NGFR: variants seen among roughly 807,000 people sequenced by gnomAD.
NGFR encodes the protein nerve growth factor receptor, also known as tumor necrosis factor receptor superfamily member 16.
In NGFR, 30 loss-of-function variants were observed where a neutral mutation model predicts 43.2. That is an observed-to-expected ratio of 0.69 (90% CI 0.52 to 0.94). The LOEUF (loss-of-function observed/expected upper bound fraction) is 0.94. Ranked by LOEUF, NGFR falls within the 40% of genes least tolerant of loss-of-function variation. The pLI is 0.00. For synonymous variants in NGFR, 246 were observed against 259.6 expected, an observed-to-expected ratio of 0.95 and a Z score of 0.50; for missense variants, 529 against 602.5, an observed-to-expected ratio of 0.88 and a Z score of 1.28.
At chr17:49,508,404 A>G (rs1478334545) in intron 3 of NGFR, among the ~76,000 whole-genome samples, 2 of 152,184 alleles carry the variant, frequency 1.3e-5, no homozygotes, top group Non-Finnish European at 1.5e-5. Context: ...GGTGCTCCTG[A>G]GGGAGTGTTC....
Position 49,495,626 on chromosome 17 carries a change from G to A in NGFR, c.66+143G>A. On this transcript the variant is annotated intron_variant, in intron 1 of 5. Transcript: ENST00000172229. This position sits in a 1 kb window ranked among gnomAD's most constrained non-coding sequence, Gnocchi z 6.4. The stretch of plus-strand genomic sequence containing the variant: ...GTGGTGGGAAAGGACCTCTGATGCC[G>A]GGACCACGAAGGAGGGTCTAGGGTT... 2.7e-6 allele frequency: 2 copies of A among 731,684 alleles called. No homozygotes were observed. The highest frequency in any genetic ancestry group is 1.9e-6 in the Non-Finnish European group (1 of 529,210). 45.3% of individuals were successfully genotyped at this position (731,684 alleles called of 1,614,324 possible). A position where few individuals can be genotyped will look rare whatever the true frequency, so the allele number is the denominator to read the frequency against.
At chr17:49,511,860 C>G in intron 4 of NGFR, 32 bp from the exon 5 acceptor site, 1 of 1,554,354 alleles carries the variant, frequency 6.4e-7, no homozygotes, top group Admixed American at 1.9e-5. Context: ...AGCCCCTCGC[C>G]CCCTGAAACC....
Position 49,512,919 on chromosome 17 carries a change from G to A in NGFR, c.1194G>A (p.Leu398=). The part of the protein sequence containing the change: ...ASWATQDSAT[L]DALLAALRRI... Reference sequence around the variant, plus strand: ...GGGCCACCCAGGACAGCGCCACACTGGACGCCCTCCTGGCCGCCCTGCGCC... The same window carrying A: ...GGGCCACCCAGGACAGCGCCACACTAGACGCCCTCCTGGCCGCCCTGCGCC... The change falls in exon 6 of 6, where the codon CTG becomes CTA. Residue 398 remains leucine (L), a synonymous_variant. Coordinates refer to ENST00000172229, the MANE Select transcript of NGFR (RefSeq NM_002507.4). The surrounding 1 kb of genome is among the most constrained non-coding windows in gnomAD (Gnocchi z 5.2). The A allele has an allele frequency of 1.2e-6, 2 of 1,612,378 alleles. No homozygotes were observed. The highest frequency in any genetic ancestry group is 8.5e-7 in the Non-Finnish European group (1 of 1,179,552).
chr17:49,507,367 A>T (rs613495), intron 3 of NGFR, among the ~76,000 whole-genome samples: 2 of 151,906 alleles, frequency 1.3e-5, no homozygotes, highest in African/African-American at 4.8e-5. Flanking sequence ...AGGGGCATGC[A>T]GGGAACACTA....
In NGFR at chr17:49,514,291, C is replaced by T. The variant is rs2071255464; in HGVS notation, c.*1282C>T. 6.4e-6 allele frequency: 1 copy of T among 156,764 alleles called. No individual in the cohort carries two copies. The highest frequency in any genetic ancestry group is 1.4e-5 in the Non-Finnish European group (1 of 70,912). The allele number at this position is 156,764 out of a possible 1,614,324, so 9.7% of individuals were successfully genotyped here. A position where few individuals can be genotyped will look rare whatever the true frequency, so the allele number is the denominator to read the frequency against. ...AGGAATGCTCCCCCATCCTCCCCTT[C>T]CCTGCAAACATGGGGTTGGCTGGGC... On this transcript the variant is annotated 3_prime_UTR_variant, in exon 6 of 6. Coordinates refer to ENST00000172229, the MANE Select transcript of NGFR (RefSeq NM_002507.4).
intron 2 of NGFR, among the ~76,000 whole-genome samples, chr17:49,502,784 C>T (rs1004304537): frequency 7.9e-5 from 12 of 151,320 alleles, no homozygotes; most frequent in South Asian, 4.2e-4. Context: ...GGAGGGGAGA[C>T]GGGGAGCTGT....
chr17:49,506,839 G>A (rs927446800), intron 3 of NGFR, among the ~76,000 whole-genome samples, 181 bp downstream of exon 3: 6 of 152,178 alleles, frequency 3.9e-5, no homozygotes, highest in Non-Finnish European at 7.4e-5. Context: ...AAGGGAGGAG[G>A]TCATTCCCCA....
intron 2 of NGFR, chr17:49,505,902 A>T: frequency 5.4e-6 from 1 of 186,530 alleles, no homozygotes; most frequent in Non-Finnish European, 1.1e-5. Context: ...CCGGGTTAGC[A>T]GCCCAGCTCT....
intron 1 of NGFR, among the ~76,000 whole-genome samples, chr17:49,500,607 G>C (rs1436392544): frequency 6.6e-6 from 1 of 152,218 alleles, no homozygotes; most frequent in Non-Finnish European, 1.5e-5. Context: ...AGGATGAAAA[G>C]AAATCAGAAC....
rs1056825952 is a variant in NGFR at position 49,495,432 on chromosome 17, C to T, written c.15C>T (p.Ala5=). The T allele has an allele frequency of 5.7e-6, 7 of 1,235,708 alleles. No individual in the cohort carries two copies. In the African/African-American group the frequency reaches 9.3e-5, roughly 16 times the overall value. The allele number at this position is 1,235,708 out of a possible 1,614,324, so 76.5% of individuals were successfully genotyped here. The change falls in exon 1 of 6, where the codon GCC becomes GCT. Residue 5 remains alanine, a synonymous_variant. Transcript: ENST00000172229. This position sits in a 1 kb window ranked among gnomAD's most constrained non-coding sequence, Gnocchi z 6.4. MGAG[A]TGRAMDGPRL... is the part of the protein sequence containing the mutation. ...GGAGGCGGGCGATGGGGGCAGGTGC[C>T]ACCGGCCGCGCCATGGACGGGCCGC...
Position 49,501,071 on chromosome 17 carries a change from A to G in NGFR, c.67-992A>G, listed in dbSNP as rs532611951. The stretch of plus-strand genomic sequence containing the variant: ...GGCTTTGGAGTTTTATTAGACATTA[A>G]GTTTTTTTTAAAGGAACAGAAATAT... On this transcript the variant is annotated intron_variant, in intron 1 of 5. Coordinates refer to ENST00000172229, the MANE Select transcript of NGFR (RefSeq NM_002507.4). Among the ~76,000 whole-genome samples the G allele has an allele frequency of 1.1e-4, 16 of 152,346 alleles. No homozygotes were observed. In the South Asian group the frequency reaches 2.9e-3, roughly 28 times the overall value.
Position 49,506,543 on chromosome 17 carries a change from C to A in NGFR, c.453C>A (p.Asp151Glu), listed in dbSNP as rs1045395377. Residue 151 changes from aspartate (D) to glutamate (E), a missense_variant, in exon 3 of 6, where the codon GAC (aspartate) becomes GAA (glutamate). Coordinates refer to ENST00000172229, the MANE Select transcript of NGFR (RefSeq NM_002507.4). The stretch of plus-strand genomic sequence containing the variant: ...ACACCGTGTGCGAGGAGTGCCCCGA[C>A]GGCACGTATTCCGACGAGGCCAACC... ...KQNTVCEECP[D>E]GTYSDEANHV... 4.3e-6 allele frequency: 7 copies of A among 1,611,724 alleles called. No individual in the cohort carries two copies. The highest frequency in any genetic ancestry group is 1.7e-5 in the Admixed American group (1 of 59,954).
chr17:49,511,752 G>A, intron 4 of NGFR, 140 bp from the exon 5 acceptor site: 1 of 974,756 alleles, frequency 1.0e-6, no homozygotes, highest in Non-Finnish European at 1.4e-6. Context: ...GTGCAAAGAG[G>A]AGCCTTAGAT....
intron 1 of NGFR, 64 bp from the exon 2 acceptor site, chr17:49,501,999 A>G: frequency 6.0e-6 from 2 of 330,984 alleles, no homozygotes; most frequent in Non-Finnish European, 1.2e-5. Flanking sequence ...TCCCCGGAAG[A>G]ACCCCCCCCA....
intron 1 of NGFR, among the ~76,000 whole-genome samples, chr17:49,500,929 G>A (rs139086127): frequency 6.6e-6 from 1 of 152,304 alleles, no homozygotes; most frequent in East Asian, 1.9e-4. Context: ...TCTGGCCAAT[G>A]TAGAAGAAGC....
In NGFR at chr17:49,506,642, C is replaced by T. The variant is rs116077510; in HGVS notation, c.552C>T (p.Ala184=). The T allele has an allele frequency of 0.01, 14,524 of 1,439,420 alleles. 484 individuals are homozygous for T. In the East Asian group the frequency reaches 0.13, roughly 13 times the overall value. The allele number at this position is 1,439,420 out of a possible 1,614,324, so 89.2% of individuals were successfully genotyped here. The change falls in exon 3 of 6, where the codon GCC becomes GCT. Residue 184 remains alanine, a synonymous_variant. Coordinates refer to ENST00000172229, the MANE Select transcript of NGFR (RefSeq NM_002507.4). Reference sequence around the variant, plus strand: ...AGCTCCGCGAGTGCACACGCTGGGCCGACGCCGAGTGCGAGGGTGAGTGCG... The same window carrying T: ...AGCTCCGCGAGTGCACACGCTGGGCTGACGCCGAGTGCGAGGGTGAGTGCG... ...ERQLRECTRW[A]DAECEEIPGR... is the part of the protein sequence containing the mutation.
intron 3 of NGFR, among the ~76,000 whole-genome samples, chr17:49,508,368 C>T (rs920411864): frequency 6.6e-6 from 1 of 152,204 alleles, no homozygotes; most frequent in Non-Finnish European, 1.5e-5. Context: ...TACCAGCCCA[C>T]TTTCCCAGCC....
Position 49,512,675 on chromosome 17 carries a change from G to T in NGFR, c.983-33G>T, listed in dbSNP as rs750803728. The T allele has an allele frequency of 7.1e-5, 110 of 1,545,730 alleles. No homozygotes were observed. Among genetic ancestry groups the T allele is most frequent in the Non-Finnish European group, 9.3e-5 (106 of 1,143,918 alleles). On this transcript the variant is annotated intron_variant, in intron 5 of 5. Coordinates refer to ENST00000172229, the MANE Select transcript of NGFR (RefSeq NM_002507.4). This position sits in a 1 kb window ranked among gnomAD's most constrained non-coding sequence, Gnocchi z 5.2. ...CACTGTTGGGGAAAGGAGTTCAGGGGTAGGACCTGACTCTCCTCTGGTTTC... is the reference window on the plus strand; with the variant it reads ...CACTGTTGGGGAAAGGAGTTCAGGGTTAGGACCTGACTCTCCTCTGGTTTC...
chr17:49,512,756 G>C lies in NGFR; in HGVS notation c.1031G>C (p.Arg344Pro). ...GLYSSLPPAK[R>P]EEVEKLLNGS... is the part of the protein sequence containing the mutation. ...TACAGCAGCCTGCCCCCAGCCAAGC[G>C]GGAGGAGGTGGAGAAGCTTCTCAAC... The change falls in exon 6 of 6, where the codon CGG becomes CCG. Residue 344 changes from arginine to proline, a missense_variant. Transcript: ENST00000172229. This position sits in a 1 kb window ranked among gnomAD's most constrained non-coding sequence, Gnocchi z 5.2. 6.2e-7 allele frequency: 1 copy of C among 1,612,836 alleles called. No individual in the cohort carries two copies. Among genetic ancestry groups the C allele is most frequent in the Non-Finnish European group, 8.5e-7 (1 of 1,179,730 alleles).
Sources: allele counts gnomAD v4.1 joint callset (sites outside exome capture counted in the v4.1 genomes callset), GRCh38; gene constraint gnomAD v4.1.1; non-coding constraint Gnocchi (gnomAD v3.1); transcripts MANE v1.5; gene names NCBI Gene and HGNC (gene_info 2026-07-23, HGNC 2026-07-21).